Variants in LSS observed in about 807,000 individuals in gnomAD.
LSS encodes the protein lanosterol synthase, also known as 2,3-epoxysqualene-lanosterol cyclase.
LSS carries 90 observed loss-of-function variants against 110.3 expected under a neutral mutation model. That is an observed-to-expected ratio of 0.82 (90% CI 0.69 to 0.97). LSS has a LOEUF of 0.97. LSS is among the 50% of genes least tolerant of loss of function. The pLI, the probability that LSS is intolerant of heterozygous loss-of-function variation, is 0.00. For synonymous variants in LSS, 433 were observed against 400.0 expected (o/e 1.08, Z -0.98); for missense variants, 927 against 990.0 (o/e 0.94, Z 0.85).
At chr21:46,210,130 A>T (rs2080110597) in intron 12 of LSS, among the ~76,000 whole-genome samples, 1 of 141,958 alleles carries the variant, frequency 7.0e-6, no homozygotes, top group African/African-American at 2.7e-5. Flanking sequence ...GCAGTGGCAC[A>T]ATCTCGGCTC....
chr21:46,215,250 C>T lies in LSS; in HGVS notation c.941G>A (p.Arg314Gln), dbSNP rs760128972. The change falls in exon 9 of 22, where the codon CGG (arginine) becomes CAG (glutamine). Residue 314 changes from arginine to glutamine, a missense_variant. Transcript: ENST00000397728. ...EHHHSAHLRQ[R>Q]AVQKLYEHIV... ...GTGTTCATACAGCTTCTGCACGGCC[C>T]GCTGCCGCAGGTGGGCACTGTGGTG... 8 of 1,611,020 alleles carry T rather than the reference C, an allele frequency of 5.0e-6. No individual in the cohort carries two copies. Among genetic ancestry groups the T allele is most frequent in the Admixed American group, 3.3e-5 (2 of 59,988 alleles).
intron 19 of LSS, 47 bp downstream of exon 19, chr21:46,195,629 C>A (rs1347012010): frequency 2.0e-6 from 3 of 1,472,642 alleles, no homozygotes; most frequent in Middle Eastern, 3.5e-4. Context: ...CATGACAGAG[C>A]ATTGGGTTGA....
In LSS at chr21:46,222,685, C is replaced by T; in HGVS notation, c.373G>A (p.Glu125Lys). ...ARIPLPAGYR[E>K]EIVRYLRSVQ... Reference sequence around the variant, plus strand: ...GACCGCAGGTACCGCACAATCTCTTCTCTGTATCCGGCTGGCAGAGGGATG... The same window carrying T: ...GACCGCAGGTACCGCACAATCTCTTTTCTGTATCCGGCTGGCAGAGGGATG... Residue 125 changes from glutamate to lysine, a missense_variant, in exon 4 of 22, where the codon GAA becomes AAA. Coordinates refer to ENST00000397728, the MANE Select transcript of LSS (RefSeq NM_002340.6). 2 of 1,613,968 alleles carry T rather than the reference C, an allele frequency of 1.2e-6. No homozygotes were observed. The highest frequency in any genetic ancestry group is 3.3e-4 in the Middle Eastern group (2 of 6,062).
Position 46,188,982 on chromosome 21 carries a change from G to A in LSS, c.*2122C>T, listed in dbSNP as rs1046020629. 2.3e-5 allele frequency: 8 copies of A among 353,740 alleles called. No homozygotes were observed. Among genetic ancestry groups the A allele is most frequent in the East Asian group, 7.4e-5 (1 of 13,464 alleles). 21.9% of individuals were successfully genotyped at this position (353,740 alleles called of 1,614,324 possible). A position where few individuals can be genotyped will look rare whatever the true frequency, so the allele number is the denominator to read the frequency against. ...TGTTTTCCCTCAGGTAACTGGAGACGCACCCTGCTACTCCTCACGTCACTC... is the reference window on the plus strand; with the variant it reads ...TGTTTTCCCTCAGGTAACTGGAGACACACCCTGCTACTCCTCACGTCACTC... On this transcript the variant is annotated 3_prime_UTR_variant, in exon 22 of 22. Coordinates refer to ENST00000397728, the MANE Select transcript of LSS (RefSeq NM_002340.6).
chr21:46,208,942 TG>T (rs1354784385), intron 13 of LSS, among the ~76,000 whole-genome samples: 1 of 151,952 alleles, frequency 6.6e-6, no homozygotes, highest in African/African-American at 2.4e-5. Context: ...GAGACGGGGC[TG>T]GGGGGCAGCG....
At chr21:46,211,418 C>A (rs762619795) in intron 11 of LSS, among the ~76,000 whole-genome samples, 1 of 152,160 alleles carries the variant, frequency 6.6e-6, no homozygotes, top group Non-Finnish European at 1.5e-5. Context: ...CGTGAGCCAC[C>A]GCACCTGGCC....
chr21:46,218,619 G>A (rs759826644), intron 6 of LSS, among the ~76,000 whole-genome samples: 2 of 151,692 alleles, frequency 1.3e-5, no homozygotes, highest in African/African-American at 2.4e-5. Flanking sequence ...GCTAGACTCC[G>A]TCTCAAAACA....
rs939012885 is a variant in LSS, at chr21:46,216,657, G to A, written c.648-133C>T. On this transcript the variant is annotated intron_variant, in intron 6 of 21. Transcript: ENST00000397728. The surrounding 1 kb of genome is among the most constrained non-coding windows in gnomAD (Gnocchi z 4.2). ...TTCCCCACCACGTCAGTGCATCTGCGGGCATTTCCCAACCGTGCTCCTGAG... is the reference window on the plus strand; with the variant it reads ...TTCCCCACCACGTCAGTGCATCTGCAGGCATTTCCCAACCGTGCTCCTGAG... 35 of 1,201,226 alleles carry A rather than the reference G, an allele frequency of 2.9e-5. No homozygotes were observed. Among genetic ancestry groups the A allele is most frequent in the Admixed American group, 1.7e-4 (6 of 34,376 alleles). 74.4% of individuals were successfully genotyped at this position (1,201,226 alleles called of 1,614,324 possible). A position where few individuals can be genotyped will look rare whatever the true frequency, so the allele number is the denominator to read the frequency against.
chr21:46,226,849 T>C (rs1027689005), intron 3 of LSS, among the ~76,000 whole-genome samples: 1 of 151,300 alleles, frequency 6.6e-6, no homozygotes, highest in African/African-American at 2.5e-5. Context: ...ATAAGGACTT[T>C]CTATCTATTA....
In LSS at chr21:46,209,473, A is replaced by G; in HGVS notation, c.1266+81T>C. 7.9e-7 allele frequency: 1 copy of G among 1,270,770 alleles called. No homozygotes were observed. The highest frequency in any genetic ancestry group is 1.1e-6 in the Non-Finnish European group (1 of 909,318). The allele number at this position is 1,270,770 out of a possible 1,614,324, so 78.7% of individuals were successfully genotyped here. ...CAGGAAATAGGGCAGGGTGGAGGTGAGGTGGGCACTTCTGCCTGCAGGAGC... is the reference window on the plus strand; with the variant it reads ...CAGGAAATAGGGCAGGGTGGAGGTGGGGTGGGCACTTCTGCCTGCAGGAGC... On this transcript the variant is annotated intron_variant, in intron 13 of 21. Transcript: ENST00000397728. The surrounding 1 kb of genome is among the most constrained non-coding windows in gnomAD (Gnocchi z 4.4).
intron 4 of LSS, chr21:46,222,221 G>C: frequency 1.8e-6 from 1 of 560,632 alleles, no homozygotes. Context: ...TCCCACGCCT[G>C]AGTCAACACT....
intron 17 of LSS, among the ~76,000 whole-genome samples, chr21:46,200,084 C>T (rs1460821044): frequency 6.6e-6 from 1 of 152,144 alleles, no homozygotes; most frequent in Non-Finnish European, 1.5e-5. Context: ...AAATTTAAAG[C>T]TGCTATAAAA....
chr21:46,227,243 C>T, intron 3 of LSS: 1 of 306,420 alleles, frequency 3.3e-6, no homozygotes. Context: ...GGGCCTTCCA[C>T]CTGGAATGTC....
intron 17 of LSS, among the ~76,000 whole-genome samples, chr21:46,204,335 T>C (rs147949267): frequency 2.0e-5 from 3 of 151,118 alleles, no homozygotes; most frequent in East Asian, 1.9e-4. Flanking sequence ...ACAATAGAAA[T>C]TGATGAAACC....
rs950098913 is a variant in LSS at position 46,228,365 on chromosome 21, G to C, written c.180+69C>G. The stretch of plus-strand genomic sequence containing the variant: ...GGTCCTCCCACCCGCCTTTCTGAGA[G>C]AAAACGTGCTCCTCACGGCTCACCC... On this transcript the variant is annotated intron_variant, in intron 2 of 21. Transcript: ENST00000397728. The C allele has an allele frequency of 4.5e-6, 7 of 1,541,818 alleles. No individual in the cohort carries two copies. The African/African-American group carries it at 9.6e-5, about 21-fold the overall frequency.
rs540508876 is a variant in LSS at position 46,195,815 on chromosome 21, A to T, written c.1737-59T>A. ...ACCCTGTTCACAGCCGGTGTGTGAA[A>T]CAACACGCATTCTGCAACAATCACA... On this transcript the variant is annotated intron_variant, in intron 18 of 21. Coordinates refer to ENST00000397728, the MANE Select transcript of LSS (RefSeq NM_002340.6). 94 of 1,387,656 alleles carry T rather than the reference A, an allele frequency of 6.8e-5. 2 individuals are homozygous for T. The highest frequency in any genetic ancestry group is 1.0e-6 in the Non-Finnish European group (1 of 976,104). The allele number at this position is 1,387,656 out of a possible 1,614,324, so 86.0% of individuals were successfully genotyped here. A position where few individuals can be genotyped will look rare whatever the true frequency, so the allele number is the denominator to read the frequency against.
At position 46,208,122 on chromosome 21, in the gene LSS, C is replaced by T. The variant is rs543217734; in HGVS notation, c.1317+129G>A. The T allele has an allele frequency of 3.0e-5, 24 of 792,772 alleles. No individual in the cohort carries two copies. The African/African-American group carries it at 3.8e-4, about 12-fold the overall frequency. 49.1% of individuals were successfully genotyped at this position (792,772 alleles called of 1,614,324 possible). The stretch of plus-strand genomic sequence containing the variant: ...CCCCTAGGCCAGGCATCCACCACAG[C>T]AGGACACCCAAAAACGCCAAGGGAG... On this transcript the variant is annotated intron_variant, in intron 14 of 21. Transcript: ENST00000397728.
chr21:46,222,831 G>A, intron 3 of LSS, 93 bp from the exon 4 acceptor site: 2 of 883,202 alleles, frequency 2.3e-6, no homozygotes, highest in South Asian at 1.5e-5. Flanking sequence ...ACTCCAACAG[G>A]GAGCTACCTC....
chr21:46,196,806 T>C (rs186260593), intron 17 of LSS, among the ~76,000 whole-genome samples: 2 of 152,344 alleles, frequency 1.3e-5, no homozygotes, highest in Non-Finnish European at 2.9e-5. Context: ...CCGAGGTCTG[T>C]GTGACCGCGA....
Sources: allele counts gnomAD v4.1 joint callset (sites outside exome capture counted in the v4.1 genomes callset), GRCh38; gene constraint gnomAD v4.1.1; non-coding constraint Gnocchi (gnomAD v3.1); transcripts MANE v1.5; gene names NCBI Gene and HGNC (gene_info 2026-07-23, HGNC 2026-07-21).